Variants in POU6F2 observed in about 807,000 individuals in gnomAD.
The protein encoded by POU6F2 is POU class 6 homeobox 2, also known as POU domain, class 6, transcription factor 2.
In POU6F2, 31 loss-of-function variants were observed where a neutral mutation model predicts 71.3. The ratio of observed to expected loss-of-function variants is 0.43; its 90% CI spans 0.33 to 0.59. The LOEUF (loss-of-function observed/expected upper bound fraction) is 0.59, where lower values mean the gene tolerates loss of function less well. Ranked by LOEUF, POU6F2 falls within the 20% of genes least tolerant of loss-of-function variation. The probability of loss-of-function intolerance (pLI) is 0.04; values close to 1 mark genes in which losing one functional copy is unlikely to be tolerated. For synonymous variants in POU6F2, 347 were observed against 355.7 expected (o/e 0.98, Z 0.27); for missense variants, 783 against 856.8 (o/e 0.91, Z 1.07).
intron 1 of POU6F2, among the ~76,000 whole-genome samples, chr7:38,998,604 G>A (rs1788806557): frequency 6.6e-6 from 1 of 151,824 alleles, no homozygotes; most frequent in Non-Finnish European, 1.5e-5. Flanking sequence ...TCAATGCAAG[G>A]AGAATTTTAG....
rs1167283971 is a variant in POU6F2 at position 39,311,285 on chromosome 7, TA to T, written c.599-28346del. Among the ~76,000 whole-genome samples, 243 of 141,164 alleles carry T rather than the reference TA, an allele frequency of 1.7e-3. 2 individuals carry two copies. Among genetic ancestry groups the T allele is most frequent in the African/African-American group, 5.8e-3 (224 of 38,424 alleles). 92.6% of individuals were successfully genotyped at this position (141,164 alleles called of 152,430 possible). ...AAAAAGCAGCCAGGTTCTAAAAAAT[TA>T]AAAAAAAAAACAAACACCAAGTCAT... On this transcript the variant is annotated intron_variant, in intron 4 of 9. Coordinates refer to ENST00000518318, the MANE Select transcript of POU6F2 (RefSeq NM_001370959.1).
At position 39,074,865 on chromosome 7, in the gene POU6F2, G is replaced by A. The variant is rs200474937; in HGVS notation, c.106-10995G>A. Among the ~76,000 whole-genome samples, 122 of 152,290 alleles carry A rather than the reference G, an allele frequency of 8.0e-4. No homozygotes were observed. In the Middle Eastern group the frequency reaches 0.01, roughly 13 times the overall value. ...CTTATTATTACTAAGCAGTCGGCCT[G>A]CTATGAGCACTGTTTGTGAATTATT... On this transcript the variant is annotated intron_variant, in intron 1 of 9. Transcript: ENST00000518318.
At chr7:39,375,081 C>G (rs1358580191) in intron 5 of POU6F2, among the ~76,000 whole-genome samples, 1 of 152,142 alleles carries the variant, frequency 6.6e-6, no homozygotes, top group Non-Finnish European at 1.5e-5. Context: ...GAATTTCTCT[C>G]TATTTCTCTA....
intron 2 of POU6F2, among the ~76,000 whole-genome samples, chr7:39,157,719 T>G (rs1792901168): frequency 6.6e-6 from 1 of 152,238 alleles, no homozygotes; most frequent in Non-Finnish European, 1.5e-5. Context: ...CTGCAAGTGA[T>G]TCTGTCCTAC....
At chr7:39,310,146 A>C (rs1785134098) in intron 4 of POU6F2, among the ~76,000 whole-genome samples, 1 of 152,196 alleles carries the variant, frequency 6.6e-6, no homozygotes, top group Non-Finnish European at 1.5e-5. Flanking sequence ...ATATAGCCCC[A>C]CAGTGCAATA....
At chr7:39,149,170 C>T (rs1457426238) in intron 2 of POU6F2, among the ~76,000 whole-genome samples, 1 of 152,168 alleles carries the variant, frequency 6.6e-6, no homozygotes, top group Non-Finnish European at 1.5e-5. Context: ...CTCCATTCCT[C>T]ACTGTCTCCC....
intron 6 of POU6F2, among the ~76,000 whole-genome samples, chr7:39,429,118 T>TAATA (rs1788037481): frequency 6.7e-6 from 1 of 148,826 alleles, no homozygotes; most frequent in South Asian, 2.1e-4. Flanking sequence ...ATAATAATAA[T>TAATA]AAAAAAAAAA....
chr7:39,076,683 G>A (rs758026113), intron 1 of POU6F2, among the ~76,000 whole-genome samples: 1 of 152,154 alleles, frequency 6.6e-6, no homozygotes, highest in Non-Finnish European at 1.5e-5. Flanking sequence ...GATGGGAGGA[G>A]CCAATATGGT....
chr7:39,174,456 GATTTTC>G (rs1386102238), intron 2 of POU6F2, among the ~76,000 whole-genome samples: 1 of 152,106 alleles, frequency 6.6e-6, no homozygotes, highest in African/African-American at 2.4e-5. Flanking sequence ...ATCTATACCT[GATTTTC>G]ATTGTATTCA....
In POU6F2 at chr7:39,433,180, C is replaced by A. The variant is rs1472321299; in HGVS notation, c.1217C>A (p.Thr406Lys). 1 of 1,613,918 alleles carries A rather than the reference C, an allele frequency of 6.2e-7. No homozygotes were observed. Among genetic ancestry groups the A allele is most frequent in the Admixed American group, 1.7e-5 (1 of 60,004 alleles). ...CAGCCAATCACCCCCCAGCTCCTCACAAACGCCCAGGGCCAGATCATCGCC... is the reference window on the plus strand; with the variant it reads ...CAGCCAATCACCCCCCAGCTCCTCAAAAACGCCCAGGGCCAGATCATCGCC... ...QVQPITPQLL[T>K]NAQGQIIATV... The change falls in exon 7 of 10, where the codon ACA (threonine) becomes AAA (lysine). Residue 406 changes from threonine to lysine, a missense_variant. Physicochemically the swap from Thr to Lys is moderately conservative, Grantham distance 78 (BLOSUM62 -1). Coordinates refer to ENST00000518318, the MANE Select transcript of POU6F2 (RefSeq NM_001370959.1).
At chr7:39,236,124 C>G (rs1794671098) in intron 4 of POU6F2, among the ~76,000 whole-genome samples, 1 of 152,158 alleles carries the variant, frequency 6.6e-6, no homozygotes, top group African/African-American at 2.4e-5. Flanking sequence ...TCACCACTTC[C>G]TTTGAGGACT....
At chr7:39,369,431 G>A (rs924598772) in intron 5 of POU6F2, among the ~76,000 whole-genome samples, 12 of 149,750 alleles carry the variant, frequency 8.0e-5, no homozygotes, top group South Asian at 2.1e-4. Flanking sequence ...GTGTGATCTC[G>A]GCTCACTGTA....
chr7:39,213,115 A>C (rs1394386891), intron 4 of POU6F2, among the ~76,000 whole-genome samples: 1 of 152,258 alleles, frequency 6.6e-6, no homozygotes, highest in Non-Finnish European at 1.5e-5. Flanking sequence ...TTTATGTCAA[A>C]GTGTGAACAT....
chr7:39,245,319 C>A (rs975080404), intron 4 of POU6F2, among the ~76,000 whole-genome samples: 1 of 152,144 alleles, frequency 6.6e-6, no homozygotes, highest in African/African-American at 2.4e-5. Flanking sequence ...GACTAGTTCT[C>A]CTCTAGTTCT....
At chr7:39,355,425 T>C (rs973885674) in intron 5 of POU6F2, among the ~76,000 whole-genome samples, 1 of 152,184 alleles carries the variant, frequency 6.6e-6, no homozygotes, top group Non-Finnish European at 1.5e-5. Flanking sequence ...ATTTTGTATG[T>C]ATATATGTGT....
intron 5 of POU6F2, 96 bp downstream of exon 5, chr7:39,340,111 T>G: frequency 1.4e-6 from 2 of 1,426,570 alleles, no homozygotes; most frequent in Non-Finnish European, 1.9e-6. Flanking sequence ...ACACAAAACT[T>G]AGCATCCAGT....
chr7:39,079,180 CT>C (rs1162865518), intron 1 of POU6F2, among the ~76,000 whole-genome samples: 9,355 of 78,948 alleles, frequency 0.12, 251 homozygotes, highest in Middle Eastern at 0.24. Flanking sequence ...CTCACAATAT[CT>C]TTTTTTTTTT....
rs370382388 is a variant in POU6F2, at chr7:39,077,737, A to C, written c.106-8123A>C. On this transcript the variant is annotated intron_variant, in intron 1 of 9. Coordinates refer to ENST00000518318, the MANE Select transcript of POU6F2 (RefSeq NM_001370959.1). ...CCTGTTACACCGAAGGAAATCCTAT[A>C]TTTGCTGTATTATTTTTTTTCTTTC... Among the ~76,000 whole-genome samples, 50 of 152,236 alleles carry C rather than the reference A, an allele frequency of 3.3e-4. 2 individuals are homozygous for C. In the South Asian group the frequency reaches 0.01, roughly 32 times the overall value.
At chr7:39,145,401 A>T (rs1013347129) in intron 2 of POU6F2, among the ~76,000 whole-genome samples, 1 of 152,224 alleles carries the variant, frequency 6.6e-6, no homozygotes, top group Non-Finnish European at 1.5e-5. Context: ...TATGCCATTT[A>T]TTATAAGTAA....
Sources: allele counts gnomAD v4.1 joint callset (sites outside exome capture counted in the v4.1 genomes callset), GRCh38; gene constraint gnomAD v4.1.1; transcripts MANE v1.5; gene names NCBI Gene and HGNC (gene_info 2026-07-23, HGNC 2026-07-21).